The following CLASP1 variants were observed in gnomAD, a reference collection of about 807,000 sequenced individuals.
CLASP1 encodes CLIP-associating protein 1.
In CLASP1, 38 loss-of-function variants were observed where a neutral mutation model predicts 192.3. The observed-to-expected ratio is 0.20, with a 90% CI of 0.15 to 0.26. The LOEUF (loss-of-function observed/expected upper bound fraction) is 0.26. CLASP1 is among the 10% of genes least tolerant of loss of function. The pLI, the probability that CLASP1 is intolerant of heterozygous loss-of-function variation, is 1.00. For synonymous variants in CLASP1, 691 were observed against 712.8 expected (o/e 0.97, Z 0.49); for missense variants, 1,433 against 1,932.5 (o/e 0.74, Z 4.85).
chr2:121,540,571 G>A (rs950323496), intron 2 of CLASP1, among the ~76,000 whole-genome samples: 19 of 152,066 alleles, frequency 1.2e-4, no homozygotes, highest in African/African-American at 4.6e-4. Context: ...GGCGAATCAA[G>A]AGGTCAGGAG....
intron 23 of CLASP1, among the ~76,000 whole-genome samples, chr2:121,414,800 T>C (rs1490189596): frequency 6.6e-6 from 1 of 152,198 alleles, no homozygotes; most frequent in Non-Finnish European, 1.5e-5. Context: ...TACTATTGTT[T>C]TGAGACAAGG....
chr2:121,432,587 TAA>T (rs1198721996), intron 19 of CLASP1, among the ~76,000 whole-genome samples: 2 of 152,252 alleles, frequency 1.3e-5, no homozygotes, highest in African/African-American at 2.4e-5. Context: ...AAAAGCTTTA[TAA>T]TATTGGTCTT....
intron 2 of CLASP1, chr2:121,531,127 A>G (rs937725976): frequency 6.4e-6 from 4 of 623,074 alleles, no homozygotes; most frequent in Non-Finnish European, 1.2e-5. Context: ...GTCGCAAGTA[A>G]AGTTCTTTCA....
At chr2:121,342,413 T>C (rs1057083299) in intron 39 of CLASP1, among the ~76,000 whole-genome samples, 1 of 152,036 alleles carries the variant, frequency 6.6e-6, no homozygotes, top group Non-Finnish European at 1.5e-5. Context: ...CCACCGCACC[T>C]AGCCTTAGAA....
chr2:121,410,130 A>G (rs2149506642), intron 24 of CLASP1, among the ~76,000 whole-genome samples: 1 of 152,358 alleles, frequency 6.6e-6, no homozygotes, highest in East Asian at 1.9e-4. Flanking sequence ...GAGCAAGGCC[A>G]GTGATCAGAC....
intron 32 of CLASP1, among the ~76,000 whole-genome samples, chr2:121,384,132 A>G (rs1219629229): frequency 7.2e-6 from 1 of 138,428 alleles, no homozygotes; most frequent in African/African-American, 2.6e-5. Context: ...ACACATATAT[A>G]TGTATATATA....
chr2:121,365,075 G>A lies in CLASP1; in HGVS notation c.4077+19C>T. 1 of 1,613,552 alleles carries A rather than the reference G, an allele frequency of 6.2e-7. No individual in the cohort carries two copies. Among genetic ancestry groups the A allele is most frequent in the Non-Finnish European group, 8.5e-7 (1 of 1,179,546 alleles). ...CATTACATGGAAAGGGGCAAGATAA[G>A]GCCAAACCAGCATCTCACGTCTTTG... On this transcript the variant is annotated intron_variant, in intron 36 of 39. Coordinates refer to ENST00000263710, the Ensembl canonical transcript of CLASP1.
intron 2 of CLASP1, among the ~76,000 whole-genome samples, chr2:121,542,117 C>A (rs976225151): frequency 6.6e-6 from 1 of 152,134 alleles, no homozygotes; most frequent in Admixed American, 6.5e-5. Flanking sequence ...AGATCTACAC[C>A]CCTATTTTCA....
chr2:121,441,287 T>C (rs776629975), intron 19 of CLASP1, among the ~76,000 whole-genome samples: 8 of 152,234 alleles, frequency 5.3e-5, no homozygotes, highest in Non-Finnish European at 7.3e-5. Flanking sequence ...CTGGGACGTT[T>C]TGGCATACAT....
chr2:121,522,580 C>T (rs1188854498), intron 6 of CLASP1, among the ~76,000 whole-genome samples: 7 of 152,300 alleles, frequency 4.6e-5, no homozygotes, highest in Middle Eastern at 3.4e-3. Flanking sequence ...TAAAATTATA[C>T]AATCTATTTA....
At chr2:121,400,552 AC>A (rs2076013174) in intron 28 of CLASP1, among the ~76,000 whole-genome samples, 1 of 152,216 alleles carries the variant, frequency 6.6e-6, no homozygotes, top group South Asian at 2.1e-4. Context: ...GTGAGGACAC[AC>A]ACCCACAAGA....
chr2:121,601,973 G>A (rs1000562796), intron 2 of CLASP1, among the ~76,000 whole-genome samples: 25 of 151,980 alleles, frequency 1.6e-4, no homozygotes, highest in Admixed American at 1.5e-3. Context: ...TCACGAGTTC[G>A]AAACCAGCCT....
chr2:121,499,917 G>A (rs987078586), intron 8 of CLASP1, among the ~76,000 whole-genome samples: 2 of 152,072 alleles, frequency 1.3e-5, no homozygotes, highest in Non-Finnish European at 2.9e-5. Flanking sequence ...TTAGCACCTA[G>A]GATAGGAACC....
chr2:121,574,004 G>C (rs72971263), intron 2 of CLASP1, among the ~76,000 whole-genome samples: 5,846 of 152,244 alleles, frequency 0.038, 157 homozygotes, highest in East Asian at 0.14. Flanking sequence ...ATTTCAGTTA[G>C]ACAAGAGGAA....
At chr2:121,633,581 T>C (rs1260823491) in intron 1 of CLASP1, among the ~76,000 whole-genome samples, 5 of 152,080 alleles carry the variant, frequency 3.3e-5, no homozygotes, top group Non-Finnish European at 7.4e-5. Flanking sequence ...TCAGCAAGAG[T>C]GCTTTCTTGC....
chr2:121,621,311 T>C (rs1415831863), intron 1 of CLASP1, among the ~76,000 whole-genome samples: 1 of 152,208 alleles, frequency 6.6e-6, no homozygotes, highest in Non-Finnish European at 1.5e-5. Context: ...TTTTTTTCTT[T>C]TTTAATAGAG....
rs555393601 is a variant in CLASP1, at chr2:121,626,278, T to TA, written c.-285-20099dup. Among the ~76,000 whole-genome samples the TA allele has an allele frequency of 2.4e-4, 36 of 152,140 alleles. 1 individual carries two copies. The highest frequency in any genetic ancestry group is 3.4e-3 in the Middle Eastern group (1 of 292). ...AGAAGGTGTAAGAAGGATGAGGATT[T>TA]AAAAAAACAAGAGAAGTCTTTCTGT... On this transcript the variant is annotated intron_variant, in intron 1 of 39. Transcript: ENST00000263710.
chr2:121,410,750 A>G, intron 24 of CLASP1, 116 bp downstream of exon 25: 1 of 593,608 alleles, frequency 1.7e-6, no homozygotes, highest in Non-Finnish European at 2.9e-6. Context: ...ACACAATTTT[A>G]AAGAGTTTCA....
At chr2:121,387,034 C>T (rs926856296) in intron 32 of CLASP1, 88 bp downstream of exon 33, 9 of 1,060,848 alleles carry the variant, frequency 8.5e-6, no homozygotes, top group Admixed American at 8.1e-5. Context: ...TGTTATTTAG[C>T]TTAGTCTAAA....
Sources: gnomAD v4.1 joint callset for allele counts (sites outside exome capture counted in the v4.1 genomes callset) on GRCh38, gnomAD v4.1.1 for gene constraint, MANE v1.5 for transcripts, NCBI Gene and HGNC (gene_info 2026-07-23, HGNC 2026-07-21) for gene names.